The following CCAR2 variants were observed in gnomAD, a reference collection of about 807,000 sequenced individuals.
The protein encoded by CCAR2 is cell cycle and apoptosis regulator protein 2.
Under a neutral mutation model 108.1 loss-of-function variants are expected in CCAR2, and 21 were observed. The ratio of observed to expected loss-of-function variants is 0.19; its 90% CI spans 0.14 to 0.28. The LOEUF is 0.28. Ranked by LOEUF, CCAR2 falls within the 10% of genes least tolerant of loss-of-function variation. The pLI is 1.00. For missense variants in CCAR2, 1,126 were observed against 1,177.0 expected (o/e 0.96, Z 0.63); for synonymous variants, 577 against 472.8 (o/e 1.22, Z -2.86).
chr8:22,606,326 G>T (rs1274542986), intron 3 of CCAR2, 150 bp downstream of exon 3: 2 of 727,320 alleles, frequency 2.7e-6, no homozygotes, highest in East Asian at 2.5e-5. Flanking sequence ...ATAGCCTTCA[G>T]ACTGGGGCAT....
chr8:22,614,497 G>T lies in CCAR2; in HGVS notation c.1035G>T (p.Gln345His), dbSNP rs779456957. ...PRETPEHPLK[Q>H]IKFLLGRKEE... ...AGACGCCAGAGCATCCTCTGAAGCA[G>T]ATTAAGGTAAGAGCTGGAGAGCAGG... is the stretch of plus-strand genomic sequence containing the variant. Residue 345 changes from glutamine to histidine, a missense_variant, in exon 10 of 21, where the codon CAG (glutamine) becomes CAT (histidine). By Grantham distance (24) the Gln-to-His change is conservative. Coordinates refer to ENST00000308511, the MANE Select transcript of CCAR2 (RefSeq NM_001393997.1). 1.9e-6 allele frequency: 3 copies of T among 1,613,862 alleles called. No homozygotes were observed. The highest frequency in any genetic ancestry group is 2.5e-6 in the Non-Finnish European group (3 of 1,179,866).
rs779206152 is a variant in CCAR2, at chr8:22,606,065, T to C, written c.59-20T>C. The C allele has an allele frequency of 1.2e-6, 2 of 1,604,144 alleles. No homozygotes were observed. The highest frequency in any genetic ancestry group is 2.7e-5 in the African/African-American group (2 of 74,714). ...AGGTGGTAGGGGCGGTTCCTGGAGATTGCTTCTCTTTCCCCATAGGCACAG... is the reference window on the plus strand; with the variant it reads ...AGGTGGTAGGGGCGGTTCCTGGAGACTGCTTCTCTTTCCCCATAGGCACAG... On this transcript the variant is annotated intron_variant, in intron 2 of 20. Coordinates refer to ENST00000308511, the MANE Select transcript of CCAR2 (RefSeq NM_001393997.1).
chr8:22,615,037 C>CA, intron 11 of CCAR2, 36 bp downstream of exon 11: 1 of 1,512,710 alleles, frequency 6.6e-7, no homozygotes, highest in Non-Finnish European at 8.9e-7. Context: ...TGCACCAACG[C>CA]ACCAGGTTGG....
In CCAR2 at chr8:22,617,471, GA is replaced by G; in HGVS notation, c.1902del (p.Lys634AsnfsTer22). ...KPLSSGGEEE[E>X]KPRGEASEDL... ...ACTCTCTTCTGGGGGAGAGGAAGAA[GA>G]AAAACCCCGGGGCGAGGCTTCTGAG... On this transcript the variant is annotated frameshift_variant, in exon 15 of 21. Coordinates refer to ENST00000308511, the MANE Select transcript of CCAR2 (RefSeq NM_001393997.1). LOFTEE classifies it high-confidence loss of function. 1 of 1,602,160 alleles carries G rather than the reference GA, an allele frequency of 6.2e-7. No individual in the cohort carries two copies. Among genetic ancestry groups the G allele is most frequent in the South Asian group, 1.1e-5 (1 of 89,296 alleles).
chr8:22,609,653 C>T (rs953061486), intron 7 of CCAR2, among the ~76,000 whole-genome samples: 2 of 152,216 alleles, frequency 1.3e-5, no homozygotes, highest in Non-Finnish European at 2.9e-5. Context: ...GGGACCTTCT[C>T]CCTTTCACAG....
chr8:22,619,580 G>GCAGTCCT (rs1369570702), intron 20 of CCAR2, 58 bp from the exon 21 acceptor site: 37 of 1,532,184 alleles, frequency 2.4e-5, no homozygotes, highest in African/African-American at 8.8e-5. Context: ...TCCGCAGTCC[G>GCAGTCCT]CAGTCCTCAG....
At chr8:22,609,282 G>A (rs1563909447) in intron 7 of CCAR2, among the ~76,000 whole-genome samples, 1 of 152,070 alleles carries the variant, frequency 6.6e-6, no homozygotes, top group Non-Finnish European at 1.5e-5. Flanking sequence ...CAGTGCTTTG[G>A]GAGCCTATCT....
rs774765028 is a variant in CCAR2 at position 22,618,368 on chromosome 8, C to T, written c.2093C>T (p.Ser698Phe). 6 of 1,614,260 alleles carry T rather than the reference C, an allele frequency of 3.7e-6. No individual in the cohort carries two copies. The highest frequency in any genetic ancestry group is 2.2e-5 in the South Asian group (2 of 91,090). Residue 698 changes from serine (S) to phenylalanine (F), a missense_variant, in exon 17 of 21, where the codon TCT becomes TTT. Ser to Phe is a radical substitution (Grantham distance 155). Coordinates refer to ENST00000308511, the MANE Select transcript of CCAR2 (RefSeq NM_001393997.1). Reference sequence around the variant, plus strand: ...TTGCAGCCCAAGGAGCTGGATCCCTCTGCTGTGCTCCCCTTAGACTGTCTG... The same window carrying T: ...TTGCAGCCCAAGGAGCTGGATCCCTTTGCTGTGCTCCCCTTAGACTGTCTG... ...LQDMPKELDP[S>F]AVLPLDCLLA...
At chr8:22,617,018 G>T (rs879381080) in intron 14 of CCAR2, among the ~76,000 whole-genome samples, 1 of 150,860 alleles carries the variant, frequency 6.6e-6, no homozygotes, top group Non-Finnish European at 1.5e-5. Flanking sequence ...CCAGTAGGTG[G>T]GATTACAGGC....
In CCAR2 at chr8:22,612,828, T is replaced by C. The variant is rs1265053533; in HGVS notation, c.585-189T>C. On this transcript the variant is annotated intron_variant, in intron 7 of 20. Coordinates refer to ENST00000308511, the MANE Select transcript of CCAR2 (RefSeq NM_001393997.1). ...GAGTGTGCTTTTTGCTTAACAGGAA[T>C]GTTTATTAAAACAGTAAATATCCAT... 6.5e-6 allele frequency: 4 copies of C among 619,788 alleles called. No homozygotes were observed. In the Admixed American group the frequency reaches 1.5e-4, roughly 23 times the overall value. 38.4% of individuals were successfully genotyped at this position (619,788 alleles called of 1,614,324 possible).
chr8:22,611,507 T>C (rs1801282903), intron 7 of CCAR2, among the ~76,000 whole-genome samples: 1 of 151,980 alleles, frequency 6.6e-6, no homozygotes, highest in Non-Finnish European at 1.5e-5. Context: ...TCTTTCTCTT[T>C]AAAGGTAACT....
In CCAR2 at chr8:22,611,388, A is replaced by ATATGTGTGTGTGTGTGTG. The variant is rs1554559973; in HGVS notation, c.585-1628_585-1627insATGTGTGTGTGTGTGTGT. ...AAAAAAAAAAAAAAAAAGTATATAT[A>ATATGTGTGTGTGTGTGTG]TGTGTGTGTGTGTGTGTATGTGTGT... On this transcript the variant is annotated intron_variant, in intron 7 of 20. Transcript: ENST00000308511. Among the ~76,000 whole-genome samples the ATATGTGTGTGTGTGTGTG allele has an allele frequency of 5.7e-3, 731 of 128,466 alleles. 5 individuals are homozygous for ATATGTGTGTGTGTGTGTG. The highest frequency in any genetic ancestry group is 0.027 in the Middle Eastern group (7 of 260). 84.3% of individuals were successfully genotyped at this position (128,466 alleles called of 152,430 possible). A position where few individuals can be genotyped will look rare whatever the true frequency, so the allele number is the denominator to read the frequency against.
chr8:22,619,571 CCG>C (rs1801675026), intron 20 of CCAR2, 65 bp from the exon 21 acceptor site: 4 of 1,375,258 alleles, frequency 2.9e-6, no homozygotes, highest in African/African-American at 6.1e-5. Context: ...AGGAGGCAGT[CCG>C]CAGTCCGCAG....
At chr8:22,613,572 T>C (rs1801379702) in intron 8 of CCAR2, among the ~76,000 whole-genome samples, 1 of 152,210 alleles carries the variant, frequency 6.6e-6, no homozygotes, top group African/African-American at 2.4e-5. Context: ...CCAGTTCTCC[T>C]GAAGAGGCTG....
intron 7 of CCAR2, among the ~76,000 whole-genome samples, chr8:22,612,232 C>G (rs577253051): frequency 1.3e-5 from 2 of 152,088 alleles, no homozygotes; most frequent in Non-Finnish European, 2.9e-5. Flanking sequence ...CAGGCGTGAG[C>G]CACCGCGCCC....
chr8:22,611,773 G>C (rs919320790), intron 7 of CCAR2, among the ~76,000 whole-genome samples: 1 of 152,026 alleles, frequency 6.6e-6, no homozygotes, highest in Non-Finnish European at 1.5e-5. Flanking sequence ...TATGTATTTG[G>C]TTTTTTACTC....
chr8:22,615,248 C>A, intron 11 of CCAR2, 177 bp from the exon 12 acceptor site: 1 of 905,794 alleles, frequency 1.1e-6, no homozygotes, highest in East Asian at 2.5e-5. Context: ...GCGGCCTCCC[C>A]ACTGACTGAT....
intron 14 of CCAR2, 101 bp downstream of exon 14, chr8:22,616,349 C>A: frequency 1.9e-6 from 2 of 1,078,820 alleles, no homozygotes; most frequent in Non-Finnish European, 2.8e-6. Flanking sequence ...AGCTCATTCC[C>A]TGCACCCTTG....
Position 22,619,804 on chromosome 8 carries a change from C to T in CCAR2, c.*122C>T. The T allele has an allele frequency of 9.7e-7, 1 of 1,030,560 alleles. No homozygotes were observed. Among genetic ancestry groups the T allele is most frequent in the Non-Finnish European group, 1.4e-6 (1 of 690,066 alleles). The allele number at this position is 1,030,560 out of a possible 1,614,324, so 63.8% of individuals were successfully genotyped here. Reference sequence around the variant, plus strand: ...GGAGCCAGGGCAGGGGTGGCTGACCCCATGCTCAGCCTCTAGGGGACGGCA... The same window carrying T: ...GGAGCCAGGGCAGGGGTGGCTGACCTCATGCTCAGCCTCTAGGGGACGGCA... On this transcript the variant is annotated 3_prime_UTR_variant, in exon 21 of 21. Transcript: ENST00000308511.
Sources: allele counts gnomAD v4.1 joint callset (sites outside exome capture counted in the v4.1 genomes callset), GRCh38; gene constraint gnomAD v4.1.1; transcripts MANE v1.5; gene names NCBI Gene and HGNC (gene_info 2026-07-23, HGNC 2026-07-21).